The following PTPRD variants were observed in gnomAD, a reference collection of about 807,000 sequenced individuals.
PTPRD encodes the protein protein tyrosine phosphatase receptor type D.
Under a neutral mutation model 214.5 loss-of-function variants are expected in PTPRD, and 34 were observed. The observed-to-expected ratio is 0.16, with a 90% confidence interval of 0.12 to 0.21. The LOEUF is 0.21. Ranked by LOEUF, PTPRD falls within the 10% of genes least tolerant of loss-of-function variation. The probability of loss-of-function intolerance (pLI) is 1.00; values close to 1 mark genes in which losing one functional copy is unlikely to be tolerated. For missense variants in PTPRD, 2,545 were observed against 2,398.7 expected (o/e 1.06, Z -1.27); for synonymous variants, 1,128 against 845.7 (o/e 1.33, Z -5.79).
At chr9:9,670,335 G>A (rs918052762) in intron 7 of PTPRD, among the ~76,000 whole-genome samples, 7 of 152,208 alleles carry the variant, frequency 4.6e-5, no homozygotes, top group South Asian at 2.1e-4. Flanking sequence ...GGTGACTTGG[G>A]TGCCATTAAA....
chr9:10,142,550 A>C (rs2098993580), intron 3 of PTPRD, among the ~76,000 whole-genome samples: 1 of 152,056 alleles, frequency 6.6e-6, no homozygotes, highest in African/African-American at 2.4e-5. Flanking sequence ...GCCATCAGAG[A>C]AATGCAAATC....
At chr9:8,362,792 A>G (rs2078836592) in intron 39 of PTPRD, among the ~76,000 whole-genome samples, 1 of 152,220 alleles carries the variant, frequency 6.6e-6, no homozygotes, top group African/African-American at 2.4e-5. Flanking sequence ...ACAGAGCTAT[A>G]ACTTCAGTCA....
At chr9:8,712,062 AC>A (rs1159357550) in intron 12 of PTPRD, among the ~76,000 whole-genome samples, 3 of 152,232 alleles carry the variant, frequency 2.0e-5, no homozygotes, top group African/African-American at 7.2e-5. Context: ...ATACAACAGT[AC>A]AACACAAAGA....
intron 2 of PTPRD, among the ~76,000 whole-genome samples, chr9:10,593,325 G>C (rs2075948611): frequency 6.6e-6 from 1 of 151,988 alleles, no homozygotes; most frequent in Non-Finnish European, 1.5e-5. Context: ...ACTATAATTT[G>C]AGTAATAAAT....
In PTPRD at chr9:10,187,990, T is replaced by C. The variant is rs147283206; in HGVS notation, c.-545+152973A>G. On this transcript the variant is annotated intron_variant, in intron 3 of 45. Coordinates refer to ENST00000381196, the MANE Select transcript of PTPRD (RefSeq NM_002839.4). ...CCATATTAAATTATTTAGTTTGACA[T>C]TGAGAAGTCTCTACAATTGAGGTCC... 3.6e-3 allele frequency among the ~76,000 whole-genome samples: 550 copies of C among 152,342 alleles called. 5 individuals carry two copies. Among genetic ancestry groups the C allele is most frequent in the African/African-American group, 0.011 (470 of 41,586 alleles).
intron 14 of PTPRD, among the ~76,000 whole-genome samples, chr9:8,587,392 C>T (rs2093747343): frequency 6.6e-6 from 1 of 152,088 alleles, no homozygotes; most frequent in Non-Finnish European, 1.5e-5. Flanking sequence ...TACAGTAATG[C>T]AAGGTTTCTT....
rs558849250 is a variant in PTPRD, at chr9:9,199,258, G to T, written c.-202-15895C>A. ...TCTATACTATTCGTGTATTATTGCT[G>T]GGATAAAGATTTATTTTAGAAAACA... On this transcript the variant is annotated intron_variant, in intron 9 of 45. Coordinates refer to ENST00000381196, the MANE Select transcript of PTPRD (RefSeq NM_002839.4). Among the ~76,000 whole-genome samples the T allele has an allele frequency of 7.2e-5, 11 of 152,236 alleles. No individual in the cohort carries two copies. In the South Asian group the frequency reaches 2.3e-3, roughly 32 times the overall value.
intron 39 of PTPRD, among the ~76,000 whole-genome samples, chr9:8,347,117 G>A (rs1164595981): frequency 6.6e-6 from 1 of 152,002 alleles, no homozygotes; most frequent in Non-Finnish European, 1.5e-5. Flanking sequence ...ATAATGTGCT[G>A]GTGATCGTCT....
intron 3 of PTPRD, among the ~76,000 whole-genome samples, chr9:10,037,340 G>A (rs965128140): frequency 2.0e-5 from 3 of 152,000 alleles, no homozygotes; most frequent in Non-Finnish European, 2.9e-5. Context: ...CCCCCTTGGT[G>A]GTGTTGCAGC....
chr9:10,604,272 C>A (rs183967016), intron 2 of PTPRD, among the ~76,000 whole-genome samples: 43 of 151,958 alleles, frequency 2.8e-4, no homozygotes, highest in Non-Finnish European at 5.5e-4. Context: ...AAATTCCTTT[C>A]TCTTAAAATA....
intron 4 of PTPRD, among the ~76,000 whole-genome samples, chr9:9,949,830 T>C (rs906244214): frequency 9.2e-5 from 14 of 152,182 alleles, no homozygotes; most frequent in Admixed American, 4.6e-4. Flanking sequence ...GAAGAGCAAG[T>C]AGAGATCAAA....
chr9:8,728,181 C>G (rs544250763), intron 12 of PTPRD, among the ~76,000 whole-genome samples: 1 of 152,060 alleles, frequency 6.6e-6, no homozygotes, highest in Non-Finnish European at 1.5e-5. Flanking sequence ...ACCGAGGAGG[C>G]GGAGGTTGCG....
chr9:10,355,756 G>A (rs905023512), intron 2 of PTPRD, among the ~76,000 whole-genome samples: 2 of 152,052 alleles, frequency 1.3e-5, no homozygotes, highest in Non-Finnish European at 2.9e-5. Context: ...GGGATTACAG[G>A]CGTGAGCCAC....
chr9:9,139,103 C>T (rs1009107477), intron 10 of PTPRD, among the ~76,000 whole-genome samples: 1 of 151,784 alleles, frequency 6.6e-6, no homozygotes, highest in African/African-American at 2.4e-5. Flanking sequence ...CCCCCCTCCC[C>T]CCCGCCCCCA....
rs397836899 is a variant in PTPRD, at chr9:9,989,016, C to CAAAAA, written c.-472+44697_-472+44701dup. 2.7e-3 allele frequency among the ~76,000 whole-genome samples: 99 copies of CAAAAA among 36,272 alleles called. 19 individuals carry two copies. Among genetic ancestry groups the CAAAAA allele is most frequent in the African/African-American group, 4.4e-3 (57 of 13,050 alleles). 23.8% of individuals were successfully genotyped at this position (36,272 alleles called of 152,430 possible). A position where few individuals can be genotyped will look rare whatever the true frequency, so the allele number is the denominator to read the frequency against. Reference sequence around the variant, plus strand: ...CAGAAGAGCCCTTAGTTTCACTGACCAAAAAAAAAAAAAAAAAAAAAAAAA... The same window carrying CAAAAA: ...CAGAAGAGCCCTTAGTTTCACTGACCAAAAAAAAAAAAAAAAAAAAAAAAAAAAAA... On this transcript the variant is annotated intron_variant, in intron 4 of 45. Coordinates refer to ENST00000381196, the MANE Select transcript of PTPRD (RefSeq NM_002839.4).
intron 8 of PTPRD, among the ~76,000 whole-genome samples, chr9:9,515,600 C>T (rs2096818380): frequency 1.3e-5 from 2 of 151,256 alleles, no homozygotes; most frequent in African/African-American, 4.9e-5. Context: ...TATGTATTCT[C>T]AACAATTATG....
At chr9:8,747,090 G>C (rs1292567842) in intron 11 of PTPRD, among the ~76,000 whole-genome samples, 1 of 152,008 alleles carries the variant, frequency 6.6e-6, no homozygotes, top group East Asian at 1.9e-4. Flanking sequence ...TATCTTTTGT[G>C]GTGTACCTAA....
intron 11 of PTPRD, among the ~76,000 whole-genome samples, chr9:8,946,925 C>G (rs984049704): frequency 2.0e-5 from 3 of 150,566 alleles, no homozygotes; most frequent in African/African-American, 4.9e-5. Context: ...AACTGTGTCT[C>G]TTTATTGTCT....
At chr9:8,781,181 T>C (rs781085806) in intron 11 of PTPRD, among the ~76,000 whole-genome samples, 3 of 152,150 alleles carry the variant, frequency 2.0e-5, no homozygotes, top group Non-Finnish European at 2.9e-5. Context: ...ACTGAAGGAA[T>C]GATACAAGAA....
Sources: gnomAD v4.1 joint callset for allele counts (sites outside exome capture counted in the v4.1 genomes callset) on GRCh38, gnomAD v4.1.1 for gene constraint, MANE v1.5 for transcripts, NCBI Gene and HGNC (gene_info 2026-07-23, HGNC 2026-07-21) for gene names.